The following RNF216 variants were observed in gnomAD, a reference collection of about 807,000 sequenced individuals.
RNF216 encodes ring finger protein 216.
Under a neutral mutation model 110.8 loss-of-function variants are expected in RNF216, and 72 were observed. That is an observed-to-expected ratio of 0.65 (90% CI 0.54 to 0.79). The LOEUF (loss-of-function observed/expected upper bound fraction) is 0.79. Ranked by LOEUF, RNF216 falls within the 30% of genes least tolerant of loss-of-function variation. RNF216 has a pLI of 0.00. For missense variants in RNF216, 1,342 were observed against 1,141.2 expected, an observed-to-expected ratio of 1.18 and a Z score of -2.54; for synonymous variants, 495 against 407.5, an observed-to-expected ratio of 1.21 and a Z score of -2.59.
chr7:5,707,014 C>T (rs1792334716), intron 13 of RNF216, among the ~76,000 whole-genome samples: 1 of 152,206 alleles, frequency 6.6e-6, no homozygotes, highest in Non-Finnish European at 1.5e-5. Context: ...GTTTACAGAG[C>T]ACCATTAATC....
intron 13 of RNF216, among the ~76,000 whole-genome samples, chr7:5,677,588 C>T (rs890446282): frequency 2.6e-5 from 4 of 152,174 alleles, no homozygotes; most frequent in African/African-American, 9.7e-5. Flanking sequence ...AACCATTTGT[C>T]TGTCTTTTAT....
chr7:5,770,847 G>A (rs561837495), intron 1 of RNF216, among the ~76,000 whole-genome samples: 54 of 150,310 alleles, frequency 3.6e-4, no homozygotes, highest in Non-Finnish European at 6.2e-4. Flanking sequence ...TTGCTCTGTC[G>A]CCCAGGCCGG....
intron 1 of RNF216, among the ~76,000 whole-genome samples, chr7:5,772,706 A>T (rs1044946933): frequency 2.0e-5 from 3 of 152,102 alleles, no homozygotes; most frequent in African/African-American, 7.2e-5. Flanking sequence ...AAATATACAG[A>T]TATCAAAACC....
rs758116231 is a variant in RNF216, at chr7:5,622,985, T to A, written c.2647A>T (p.Ile883Phe). The A allele has an allele frequency of 6.2e-7, 1 of 1,613,962 alleles. No individual in the cohort carries two copies. The highest frequency in any genetic ancestry group is 1.7e-5 in the Admixed American group (1 of 60,014). ...AGAGGGGGCACGTACGGGGCTGGGA[T>A]AGGCCCCATGTTGAGTGGGAAGTTG... ...FNNFPLNMGPIPAPYVPPLPN... is the reference protein window; with the variant it reads ...FNNFPLNMGPFPAPYVPPLPN... Residue 883 changes from isoleucine (I) to phenylalanine (F), a missense_variant, in exon 17 of 17, where the codon ATC (isoleucine) becomes TTC (phenylalanine). Physicochemically the swap from Ile to Phe is conservative, Grantham distance 21. Transcript: ENST00000389902.
intron 5 of RNF216, among the ~76,000 whole-genome samples, chr7:5,732,212 G>A (rs1373111480): frequency 6.6e-6 from 1 of 152,154 alleles, no homozygotes; most frequent in African/African-American, 2.4e-5. Flanking sequence ...TCACTGGTGT[G>A]CACTGAGGTT....
chr7:5,740,899 T>C, intron 4 of RNF216, 74 bp downstream of exon 4: 1 of 1,437,522 alleles, frequency 7.0e-7, no homozygotes, highest in Non-Finnish European at 9.3e-7. Flanking sequence ...ACTTTTTTTT[T>C]TGCAATGAAA....
At chr7:5,634,451 G>C (rs1787270972) in intron 15 of RNF216, among the ~76,000 whole-genome samples, 1 of 152,236 alleles carries the variant, frequency 6.6e-6, no homozygotes, top group Non-Finnish European at 1.5e-5. Context: ...CTGAGCAACG[G>C]CAGACCCTTA....
intron 15 of RNF216, among the ~76,000 whole-genome samples, chr7:5,625,454 G>C (rs1444134627): frequency 6.6e-6 from 1 of 152,130 alleles, no homozygotes; most frequent in African/African-American, 2.4e-5. Flanking sequence ...TTTTCATGCC[G>C]ATCTGATGAC....
intron 13 of RNF216, among the ~76,000 whole-genome samples, chr7:5,655,755 A>C (rs930093126): frequency 2.0e-5 from 3 of 147,148 alleles, no homozygotes; most frequent in Non-Finnish European, 1.5e-5. Flanking sequence ...TCTCTCTTCT[A>C]AACAGTGTAA....
intron 13 of RNF216, among the ~76,000 whole-genome samples, chr7:5,678,803 G>A (rs776283721): frequency 7.2e-5 from 11 of 152,184 alleles, no homozygotes; most frequent in African/African-American, 1.9e-4. Context: ...CAGATTTCTC[G>A]ACTCCACTTC....
At chr7:5,651,457 C>G (rs1788383346) in intron 14 of RNF216, among the ~76,000 whole-genome samples, 5 of 151,986 alleles carry the variant, frequency 3.3e-5, no homozygotes, top group Admixed American at 2.6e-4. Context: ...GTCTCAAATT[C>G]GTGAGCTCAA....
chr7:5,638,846 G>A (rs1787561266), intron 15 of RNF216, among the ~76,000 whole-genome samples: 1 of 152,016 alleles, frequency 6.6e-6, no homozygotes, highest in African/African-American at 2.4e-5. Context: ...TGTTGCCCAG[G>A]CTGTTCTTAA....
At chr7:5,698,501 C>T (rs1359124604) in intron 13 of RNF216, among the ~76,000 whole-genome samples, 3 of 151,994 alleles carry the variant, frequency 2.0e-5, no homozygotes, top group Non-Finnish European at 4.4e-5. Flanking sequence ...GTGATCTTCC[C>T]GCCTCAGCCT....
intron 14 of RNF216, among the ~76,000 whole-genome samples, chr7:5,645,037 G>A (rs1046843737): frequency 1.3e-5 from 2 of 151,582 alleles, no homozygotes; most frequent in African/African-American, 2.4e-5. Context: ...GGGTCATCTC[G>A]AACTCCTGAT....
At chr7:5,673,885 GAGTCTTGCTC>G (rs1790092656) in intron 13 of RNF216, among the ~76,000 whole-genome samples, 1 of 133,884 alleles carries the variant, frequency 7.5e-6, no homozygotes, top group African/African-American at 2.8e-5. Context: ...TTTTGAGACA[GAGTCTTGCTC>G]TATCGCCCAG....
Position 5,680,229 on chromosome 7 carries a change from C to T in RNF216, c.2062-27719G>A, listed in dbSNP as rs1790561096. Reference sequence around the variant, plus strand: ...ACACTCTGTGTCCTCTTCCGGAAGTCTCTTCATGCTCTAATGCAGCCTTCA... The same window carrying T: ...ACACTCTGTGTCCTCTTCCGGAAGTTTCTTCATGCTCTAATGCAGCCTTCA... On this transcript the variant is annotated intron_variant, in intron 13 of 16. Coordinates refer to ENST00000389902, the MANE Select transcript of RNF216 (RefSeq NM_207111.4). The surrounding 1 kb of genome is among the most constrained non-coding windows in gnomAD (Gnocchi z 4.3). 6.6e-6 allele frequency: 1 copy of T among 152,192 alleles called. No individual in the cohort carries two copies. The highest frequency in any genetic ancestry group is 1.5e-5 in the Non-Finnish European group (1 of 68,072). 9.4% of individuals were successfully genotyped at this position (152,192 alleles called of 1,614,324 possible). A position where few individuals can be genotyped will look rare whatever the true frequency, so the allele number is the denominator to read the frequency against.
intron 5 of RNF216, among the ~76,000 whole-genome samples, chr7:5,735,782 T>A (rs1173894838): frequency 1.3e-5 from 2 of 152,108 alleles, no homozygotes; most frequent in Non-Finnish European, 2.9e-5. Flanking sequence ...CTGACAAGCA[T>A]GTTAAGTAAA....
At chr7:5,764,179 G>A (rs1249485054) in intron 1 of RNF216, among the ~76,000 whole-genome samples, 1 of 146,676 alleles carries the variant, frequency 6.8e-6, no homozygotes, top group Non-Finnish European at 1.5e-5. Flanking sequence ...GGAGACAAGA[G>A]CAAAACTCTA....
chr7:5,624,041 G>T lies in RNF216; in HGVS notation c.2452+15C>A. On this transcript the variant is annotated intron_variant, in intron 16 of 16. Coordinates refer to ENST00000389902, the MANE Select transcript of RNF216 (RefSeq NM_207111.4). This position sits in a 1 kb window ranked among gnomAD's most constrained non-coding sequence, Gnocchi z 4.4. ...GCTGCTGCTCTGTCCTGGGGGCCTG[G>T]GGAGGGGCACTTGCCTCCATTCTTT... 1 of 1,611,510 alleles carries T rather than the reference G, an allele frequency of 6.2e-7. No homozygotes were observed.
Sources: allele counts gnomAD v4.1 joint callset (sites outside exome capture counted in the v4.1 genomes callset), GRCh38; gene constraint gnomAD v4.1.1; non-coding constraint Gnocchi (gnomAD v3.1); transcripts MANE v1.5; gene names NCBI Gene and HGNC (gene_info 2026-07-23, HGNC 2026-07-21).